LARS1: variants seen among roughly 807,000 people sequenced by gnomAD.
LARS1 encodes the protein leucine--tRNA ligase, cytoplasmic.
A neutral mutation model predicts 162.8 loss-of-function variants in LARS1; 100 were observed. That is an observed-to-expected ratio of 0.61 (90% CI 0.52 to 0.73). The LOEUF (loss-of-function observed/expected upper bound fraction) is 0.73, where lower values mean the gene tolerates loss of function less well. Among genes scored for constraint, LARS1 ranks in the 30% least tolerant of loss-of-function variants. The probability of loss-of-function intolerance (pLI) is 0.00; values close to 1 mark genes in which losing one functional copy is unlikely to be tolerated. For missense variants in LARS1, 1,258 were observed against 1,408.9 expected, an observed-to-expected ratio of 0.89 and a Z score of 1.71; for synonymous variants, 457 against 462.8, an observed-to-expected ratio of 0.99 and a Z score of 0.16.
intron 6 of LARS1, 51 bp from the exon 7 acceptor site, chr5:146,160,537 G>A (rs1486112232): frequency 1.2e-5 from 11 of 920,630 alleles, no homozygotes; most frequent in Non-Finnish European, 1.8e-5. Context: ...CACAAATTTT[G>A]TTTAAATAAG....
At chr5:146,150,944 C>CACACAG (rs1486895158) in intron 14 of LARS1, among the ~76,000 whole-genome samples, 1 of 142,510 alleles carries the variant, frequency 7.0e-6, no homozygotes, top group African/African-American at 2.8e-5. Flanking sequence ...GTCAGATAGA[C>CACACAG]ACACACACAC....
intron 31 of LARS1, among the ~76,000 whole-genome samples, chr5:146,116,352 T>G (rs998076717): frequency 2.6e-5 from 4 of 151,840 alleles, no homozygotes; most frequent in African/African-American, 7.3e-5. Flanking sequence ...CCTCTGCCTC[T>G]TTCTCTCTCA....
intron 1 of LARS1, 195 bp downstream of exon 1, chr5:146,182,293 A>T: frequency 1.4e-6 from 1 of 690,196 alleles, no homozygotes; most frequent in Non-Finnish European, 2.6e-6. Context: ...ATATCCAAGT[A>T]CTCCGTAAAG....
chr5:146,122,196 T>A (rs1480640184), intron 30 of LARS1, among the ~76,000 whole-genome samples: 5 of 152,128 alleles, frequency 3.3e-5, no homozygotes, highest in Admixed American at 3.3e-4. Flanking sequence ...CCAGTATTTT[T>A]AAATAAAAAC....
chr5:146,157,628 A>G lies in LARS1; in HGVS notation c.840T>C (p.Ser280=). 6.2e-7 allele frequency: 1 copy of G among 1,613,780 alleles called. No individual in the cohort carries two copies. The highest frequency in any genetic ancestry group is 8.5e-7 in the Non-Finnish European group (1 of 1,179,884). ...KVLEPYPSKL[S]GLKGKNIFLV... The stretch of plus-strand genomic sequence containing the variant: ...AGAAAATATTTTTACCTTTCAGGCC[A>G]CTGAGAAAAAAAAACAAATATTGAT... Residue 280 remains serine (S), a splice_region_variant and synonymous_variant, in exon 10 of 32, where the codon AGT becomes AGC. Coordinates refer to ENST00000394434, the MANE Select transcript of LARS1 (RefSeq NM_020117.11).
intron 18 of LARS1, 116 bp from the exon 19 acceptor site, chr5:146,143,666 A>G (rs1462423036): frequency 2.2e-6 from 2 of 924,288 alleles, no homozygotes; most frequent in East Asian, 5.1e-5. Flanking sequence ...AAGCTCTTAA[A>G]TTATTCTTGA....
chr5:146,134,314 C>T (rs1181324346), intron 22 of LARS1, among the ~76,000 whole-genome samples: 8 of 152,134 alleles, frequency 5.3e-5, no homozygotes, highest in Admixed American at 1.3e-4. Context: ...TCATTATCTA[C>T]CTGTTTACTT....
chr5:146,174,144 T>TAAAAAAAAAAAAAAAAAAAAAAAAA, intron 2 of LARS1, among the ~76,000 whole-genome samples: 1 of 89,136 alleles, frequency 1.1e-5, no homozygotes, highest in Non-Finnish European at 2.0e-5. Context: ...CTTTTTCTCT[T>TAAAAAAAAAAAAAAAAAAAAAAAAA]AAAAAAAAAA....
In LARS1 at chr5:146,130,042, C is replaced by G. The variant is rs1218669253; in HGVS notation, c.2604G>C (p.Glu868Asp). ...CCTTTCCCAGGAGTGTCCAGATGTG[C>G]TCACACAAATGTGGACAGAATGGAG... ...LLAPFCPHLC[E>D]HIWTLLGKPD... The change falls in exon 25 of 32, where the codon GAG becomes GAC. Residue 868 changes from glutamate to aspartate, a missense_variant. Coordinates refer to ENST00000394434, the MANE Select transcript of LARS1 (RefSeq NM_020117.11). 1 of 1,613,380 alleles carries G rather than the reference C, an allele frequency of 6.2e-7. No individual in the cohort carries two copies.
At chr5:146,154,064 T>C in intron 10 of LARS1, 84 bp from the exon 11 acceptor site, 1 of 936,208 alleles carries the variant, frequency 1.1e-6, no homozygotes, top group Non-Finnish European at 1.6e-6. Context: ...TTTTAAGCCC[T>C]GAGAAGCTAG....
intron 8 of LARS1, 54 bp from the exon 9 acceptor site, chr5:146,157,849 C>T: frequency 6.5e-7 from 1 of 1,526,738 alleles, no homozygotes; most frequent in Non-Finnish European, 9.1e-7. Flanking sequence ...TTGCCTTAAA[C>T]CTACTAATCT....
At chr5:146,140,779 T>G (rs1752737895) in intron 20 of LARS1, among the ~76,000 whole-genome samples, 1 of 152,092 alleles carries the variant, frequency 6.6e-6, no homozygotes, top group African/African-American at 2.4e-5. Flanking sequence ...CACTCCAGCC[T>G]AGGCGACAAA....
intron 28 of LARS1, among the ~76,000 whole-genome samples, chr5:146,124,399 G>A (rs751302724): frequency 6.6e-6 from 1 of 151,664 alleles, no homozygotes; most frequent in Non-Finnish European, 1.5e-5. Flanking sequence ...TAACATGCAA[G>A]CCCAAAGAAT....
chr5:146,149,814 A>G (rs1753193606), intron 14 of LARS1, 115 bp from the exon 15 acceptor site: 1 of 719,414 alleles, frequency 1.4e-6, no homozygotes, highest in East Asian at 2.5e-5. Flanking sequence ...TATTTTTAGT[A>G]TGAAATTTAT....
intron 2 of LARS1, among the ~76,000 whole-genome samples, chr5:146,176,484 A>G (rs1411242458): frequency 6.6e-6 from 1 of 151,798 alleles, no homozygotes; most frequent in Non-Finnish European, 1.5e-5. Context: ...AAGAAAAAGA[A>G]GATTAAATGA....
intron 10 of LARS1, among the ~76,000 whole-genome samples, chr5:146,154,455 G>T (rs564552784): frequency 6.6e-6 from 1 of 152,176 alleles, no homozygotes; most frequent in African/African-American, 2.4e-5. Context: ...AACATATTGC[G>T]TACCATAAAT....
chr5:146,182,569 C>T lies in LARS1; in HGVS notation c.-76G>A. On this transcript the variant is annotated 5_prime_UTR_variant, in exon 1 of 32. Coordinates refer to ENST00000394434, the MANE Select transcript of LARS1 (RefSeq NM_020117.11). ...CCACAAAGGAGTGGTTACCTTTCCC[C>T]TCCCTCTCGGGGATGCCAGGCCTCC... 1 of 1,603,498 alleles carries T rather than the reference C, an allele frequency of 6.2e-7. No individual in the cohort carries two copies. Among genetic ancestry groups the T allele is most frequent in the Non-Finnish European group, 8.5e-7 (1 of 1,170,498 alleles).
chr5:146,143,998 T>A (rs1752905063), intron 18 of LARS1, among the ~76,000 whole-genome samples: 2 of 151,972 alleles, frequency 1.3e-5, no homozygotes, highest in Admixed American at 1.3e-4. Flanking sequence ...CAAGACTCTG[T>A]CTCTAAAAAA....
chr5:146,172,770 C>A lies in LARS1; in HGVS notation c.130G>T (p.Gly44Cys). Residue 44 changes from glycine to cysteine, a missense_variant, in exon 3 of 32, where the codon GGC (glycine) becomes TGC (cysteine). Gly to Cys is a radical substitution (Grantham distance 159). Transcript: ENST00000394434. Reference protein sequence around the residue: ...ASNLEKQTSKGKYFVTFPYPY... With the variant: ...ASNLEKQTSKCKYFVTFPYPY... ...TATGGGAAGGTTACAAAATACTTGC[C>A]CTTGCTGCAAAACAACAGTATAAAA... 1 of 1,540,550 alleles carries A rather than the reference C, an allele frequency of 6.5e-7. No individual in the cohort carries two copies. Among genetic ancestry groups the A allele is most frequent in the Non-Finnish European group, 8.8e-7 (1 of 1,140,566 alleles).
Sources: gnomAD v4.1 joint callset for allele counts (sites outside exome capture counted in the v4.1 genomes callset) on GRCh38, gnomAD v4.1.1 for gene constraint, MANE v1.5 for transcripts, NCBI Gene and HGNC (gene_info 2026-07-23, HGNC 2026-07-21) for gene names.